Variants in TRIM46 observed in about 807,000 individuals in gnomAD.
TRIM46 encodes tripartite motif containing 46.
A neutral mutation model predicts 69.7 loss-of-function variants in TRIM46; 17 were observed. The observed-to-expected ratio is 0.24, with a 90% CI of 0.17 to 0.37. TRIM46 has a LOEUF of 0.37. Ranked by LOEUF, TRIM46 falls within the 10% of genes least tolerant of loss-of-function variation. The pLI is 1.00. For missense variants in TRIM46, 675 were observed against 1,025.1 expected (o/e 0.66, Z 4.66); for synonymous variants, 391 against 429.0 (o/e 0.91, Z 1.09).
In TRIM46 at chr1:155,177,183, C is replaced by T. The variant is rs1306908931; in HGVS notation, c.814-12C>T. 1 of 1,614,118 alleles carries T rather than the reference C, an allele frequency of 6.2e-7. No individual in the cohort carries two copies. Among genetic ancestry groups the T allele is most frequent in the Non-Finnish European group, 8.5e-7 (1 of 1,179,964 alleles). On this transcript the variant is annotated splice_polypyrimidine_tract_variant and intron_variant, in intron 4 of 9. Coordinates refer to ENST00000334634, the MANE Select transcript of TRIM46 (RefSeq NM_025058.5). ...AGCTGGGCTTGATGCCCACCTCTTTCTTCCCCCTCAGGACAAGCTGACAAA... is the reference window on the plus strand; with the variant it reads ...AGCTGGGCTTGATGCCCACCTCTTTTTTCCCCCTCAGGACAAGCTGACAAA...
At chr1:155,176,662 T>A (rs1002571456) in intron 3 of TRIM46, among the ~76,000 whole-genome samples, 9 of 152,212 alleles carry the variant, frequency 5.9e-5, no homozygotes, top group African/African-American at 9.7e-5. Context: ...AGGCAAAGAT[T>A]AATTGGCATC....
Position 155,178,301 on chromosome 1 carries a change from G to A in TRIM46, c.1163+46G>A, listed in dbSNP as rs1400194375. 2.6e-6 allele frequency: 4 copies of A among 1,565,622 alleles called. No individual in the cohort carries two copies. In the African/African-American group the frequency reaches 4.1e-5, roughly 16 times the overall value. On this transcript the variant is annotated intron_variant, in intron 6 of 9. Transcript: ENST00000334634. ...CTAGGGGGGCAGGGACATCATGGAT[G>A]TGACCAACATCTAGGACAATGTCTA...
chr1:155,179,506 C>T (rs1231305975), intron 7 of TRIM46, 126 bp from the exon 8 acceptor site: 3 of 825,094 alleles, frequency 3.6e-6, no homozygotes, highest in Non-Finnish European at 5.6e-6. Flanking sequence ...TGAGCCCTTC[C>T]CCAGCTCCCT....
chr1:155,180,433 AGG>A, intron 8 of TRIM46: 1 of 410,076 alleles, frequency 2.4e-6, no homozygotes, highest in Non-Finnish European at 4.4e-6. Context: ...CGTCTCTACT[AGG>A]AATACAAAAC....
At chr1:155,178,417 G>C (rs1373491822) in intron 6 of TRIM46, 75 bp from the exon 7 acceptor site, 1 of 1,603,474 alleles carries the variant, frequency 6.2e-7, no homozygotes, top group Non-Finnish European at 8.5e-7. Flanking sequence ...GGCTCTAGGG[G>C]CAAGCAAGAC....
intron 7 of TRIM46, among the ~76,000 whole-genome samples, chr1:155,179,156 G>T (rs1215516809): frequency 6.6e-6 from 1 of 151,982 alleles, no homozygotes; most frequent in African/African-American, 2.4e-5. Context: ...TTTCCACCTC[G>T]CTGCCTCCTA....
rs1185309287 is a variant in TRIM46 at position 155,175,688 on chromosome 1, C to G, written c.325+41C>G. The G allele has an allele frequency of 6.2e-7, 1 of 1,611,844 alleles. No homozygotes were observed. Among genetic ancestry groups the G allele is most frequent in the Admixed American group, 1.7e-5 (1 of 59,952 alleles). ...GTAGGGTGGGGATGGGAACGCTGAGCTATTCATCAGGAAGATGGAAGAAGT... is the reference window on the plus strand; with the variant it reads ...GTAGGGTGGGGATGGGAACGCTGAGGTATTCATCAGGAAGATGGAAGAAGT... On this transcript the variant is annotated intron_variant, in intron 2 of 9. Transcript: ENST00000334634. The surrounding 1 kb of genome is among the most constrained non-coding windows in gnomAD (Gnocchi z 4.2).
At chr1:155,180,029 T>C (rs937436687) in intron 8 of TRIM46, 95 bp downstream of exon 8, 1 of 1,300,886 alleles carries the variant, frequency 7.7e-7, no homozygotes. Context: ...AGAGAGGCCA[T>C]ATAACATAGT....
rs141943605 is a variant in TRIM46, at chr1:155,184,970, A to T, written c.*780A>T. 1 of 152,834 alleles carries T rather than the reference A, an allele frequency of 6.5e-6. No homozygotes were observed. The highest frequency in any genetic ancestry group is 1.5e-5 in the Non-Finnish European group (1 of 68,222). 9.5% of individuals were successfully genotyped at this position (152,834 alleles called of 1,614,324 possible). On this transcript the variant is annotated 3_prime_UTR_variant, in exon 10 of 10. Transcript: ENST00000334634. This position sits in a 1 kb window ranked among gnomAD's most constrained non-coding sequence, Gnocchi z 5.6. ...GCCAGGCACATCTCTGCCTTCCCTG[A>T]GCGCAATCATTCCTGTGAGTTTCTG...
At chr1:155,180,133 T>C (rs1257744835) in intron 8 of TRIM46, among the ~76,000 whole-genome samples, 199 bp downstream of exon 8, 1 of 152,218 alleles carries the variant, frequency 6.6e-6, no homozygotes, top group African/African-American at 2.4e-5. Context: ...CTGGCAAGTT[T>C]TTACCCTCTC....
At position 155,178,223 on chromosome 1, in the gene TRIM46, C is replaced by T; in HGVS notation, c.1131C>T (p.Cys377=). 4 of 1,608,430 alleles carry T rather than the reference C, an allele frequency of 2.5e-6. No homozygotes were observed. Among genetic ancestry groups the T allele is most frequent in the Non-Finnish European group, 3.4e-6 (4 of 1,175,696 alleles). ...TACTTAAGGAAACAGACCAGCCTTG[C>T]TTTGTGCAAGCCGCCAAGCAGCTGC... ...QEVLKETDQP[C]FVQAAKQLHN... is the part of the protein sequence containing the mutation. The change falls in exon 6 of 10, where the codon TGC becomes TGT. Residue 377 remains cysteine, a synonymous_variant. Transcript: ENST00000334634.
In TRIM46 at chr1:155,178,590, T is replaced by C; in HGVS notation, c.1262T>C (p.Leu421Pro). 6.2e-7 allele frequency: 1 copy of C among 1,613,886 alleles called. No homozygotes were observed. The highest frequency in any genetic ancestry group is 8.5e-7 in the Non-Finnish European group (1 of 1,179,986). ...GACGTGGGACGTGAGATGAAGCTGC[T>C]GACAGAGCTTAACTTCCTGCGAGGT... ...QLDVGREMKL[L>P]TELNFLRVPE... The change falls in exon 7 of 10, where the codon CTG becomes CCG. Residue 421 changes from leucine (L) to proline (P), a missense_variant. Around this residue, in one of 5 missense-constraint regions of TRIM46, gnomAD observed 361 missense variants for 498.3 expected, o/e 0.72. Transcript: ENST00000334634.
intron 9 of TRIM46, among the ~76,000 whole-genome samples, chr1:155,183,396 C>T (rs1282898688): frequency 6.6e-6 from 1 of 152,004 alleles, no homozygotes; most frequent in East Asian, 1.9e-4. Context: ...CCACCCTCAT[C>T]TCTCTCCCGA....
Position 155,184,296 on chromosome 1 carries a change from T to C in TRIM46, c.*106T>C. 1 of 1,229,618 alleles carries C rather than the reference T, an allele frequency of 8.1e-7. No homozygotes were observed. Among genetic ancestry groups the C allele is most frequent in the Non-Finnish European group, 1.1e-6 (1 of 909,282 alleles). 76.2% of individuals were successfully genotyped at this position (1,229,618 alleles called of 1,614,324 possible). On this transcript the variant is annotated 3_prime_UTR_variant, in exon 10 of 10. Transcript: ENST00000334634. This position sits in a 1 kb window ranked among gnomAD's most constrained non-coding sequence, Gnocchi z 5.6. ...TGGCAGCTTCTCCCCCAAACTCTCC[T>C]ACCATGTGGCCCTGCTCCTTCTCCC... is the stretch of plus-strand genomic sequence containing the variant.
At chr1:155,178,298 G>C (rs191491097) in intron 6 of TRIM46, 43 bp downstream of exon 6, 3 of 1,566,678 alleles carry the variant, frequency 1.9e-6, no homozygotes, top group African/African-American at 2.7e-5. Flanking sequence ...GGACATCATG[G>C]ATGTGACCAA....
At chr1:155,176,910 A>C in intron 3 of TRIM46, 22 bp from the exon 4 acceptor site, 1 of 1,609,638 alleles carries the variant, frequency 6.2e-7, no homozygotes, top group East Asian at 2.2e-5. Flanking sequence ...TCTGACCATC[A>C]CATTGTTCTT....
Position 155,179,958 on chromosome 1 carries a change from C to T in TRIM46, c.1588+24C>T, listed in dbSNP as rs780751067. ...TGGTGAGTGGGCAGGCACAGGTGGT[C>T]GTGCAAAGGGCATGGGGTATGCCAG... On this transcript the variant is annotated intron_variant, in intron 8 of 9. Transcript: ENST00000334634. 92 of 1,555,726 alleles carry T rather than the reference C, an allele frequency of 5.9e-5. No homozygotes were observed. In the South Asian group the frequency reaches 1.0e-3, roughly 17 times the overall value.
intron 7 of TRIM46, 65 bp from the exon 8 acceptor site, chr1:155,179,567 G>T: frequency 2.0e-6 from 3 of 1,470,828 alleles, no homozygotes; most frequent in Non-Finnish European, 2.7e-6. Context: ...TTTCCTGCCT[G>T]CCCCTGCCCT....
chr1:155,177,088 C>G lies in TRIM46; in HGVS notation c.813+13C>G, dbSNP rs186447601. The G allele has an allele frequency of 1.1e-5, 17 of 1,612,456 alleles. No individual in the cohort carries two copies. In the East Asian group the frequency reaches 3.8e-4, roughly 36 times the overall value. ...CCAGGCCCTCAAGGTAAGGACCCCC[C>G]TTATCCAACCCTAGTGCTAACTCAC... On this transcript the variant is annotated intron_variant, in intron 4 of 9. Coordinates refer to ENST00000334634, the MANE Select transcript of TRIM46 (RefSeq NM_025058.5).
Sources: allele counts gnomAD v4.1 joint callset (sites outside exome capture counted in the v4.1 genomes callset), GRCh38; gene constraint gnomAD v4.1.1; regional missense constraint gnomAD v4.1.1; non-coding constraint Gnocchi (gnomAD v3.1); transcripts MANE v1.5; gene names NCBI Gene and HGNC (gene_info 2026-07-23, HGNC 2026-07-21).